The following COPG2 variants were observed in gnomAD, a reference collection of about 807,000 sequenced individuals.
COPG2 encodes the protein coat protein complex I subunit gamma 2.
In COPG2, 37 loss-of-function variants were observed where a neutral mutation model predicts 46.3. The observed-to-expected ratio is 0.80, with a 90% CI of 0.61 to 1.05. The LOEUF is 1.05. COPG2 is among the 50% of genes least tolerant of loss of function. The pLI is 0.00. For synonymous variants in COPG2, 159 were observed against 129.7 expected (o/e 1.23, Z -1.53); for missense variants, 427 against 387.8 (o/e 1.10, Z -0.85).
intron 5 of COPG2, among the ~76,000 whole-genome samples, chr7:130,637,070 T>C (rs1355791941): frequency 2.0e-5 from 3 of 152,164 alleles, no homozygotes; most frequent in Non-Finnish European, 4.4e-5. Flanking sequence ...TTCTGGCTTG[T>C]AGGGTTTCTG....
At chr7:130,653,385 C>T (rs1296897299) in intron 4 of COPG2, among the ~76,000 whole-genome samples, 1 of 152,178 alleles carries the variant, frequency 6.6e-6, no homozygotes, top group Non-Finnish European at 1.5e-5. Context: ...TCCTGGGTAG[C>T]TGGAATTACA....
At chr7:130,512,895 A>G (rs1255377093) in intron 20 of COPG2, among the ~76,000 whole-genome samples, 1 of 152,202 alleles carries the variant, frequency 6.6e-6, no homozygotes, top group East Asian at 1.9e-4. Flanking sequence ...CTAGGGAAAC[A>G]TGAATGAAAA....
At chr7:130,655,255 T>C (rs79470262) in intron 4 of COPG2, among the ~76,000 whole-genome samples, 2 of 150,708 alleles carry the variant, frequency 1.3e-5, no homozygotes, top group Non-Finnish European at 3.0e-5. Context: ...AGTTTGTTTG[T>C]TTTTTTTTCA....
At chr7:130,664,237 C>T (rs377212190) in intron 3 of COPG2, among the ~76,000 whole-genome samples, 7 of 152,194 alleles carry the variant, frequency 4.6e-5, no homozygotes, top group African/African-American at 1.7e-4. Context: ...TTCAGAGCTT[C>T]AGATTCCACA....
chr7:130,659,696 G>A (rs1324190928), intron 4 of COPG2, among the ~76,000 whole-genome samples: 2 of 152,132 alleles, frequency 1.3e-5, no homozygotes, highest in Admixed American at 6.5e-5. Context: ...GGCAGATAAA[G>A]AGGTCAGGAA....
chr7:130,550,990 C>G (rs1793528464), intron 16 of COPG2, among the ~76,000 whole-genome samples: 5 of 151,942 alleles, frequency 3.3e-5, no homozygotes. Flanking sequence ...TCAAGGAGAA[C>G]CAGGAATAAG....
intron 9 of COPG2, among the ~76,000 whole-genome samples, chr7:130,604,443 T>C (rs1370056746): frequency 1.3e-5 from 2 of 152,242 alleles, no homozygotes; most frequent in South Asian, 2.1e-4. Flanking sequence ...TTGATTTCAA[T>C]ATAATTATAA....
chr7:130,626,529 G>A (rs1345990060), intron 5 of COPG2, among the ~76,000 whole-genome samples: 6 of 151,616 alleles, frequency 4.0e-5, no homozygotes, highest in Admixed American at 6.6e-5. Flanking sequence ...GATTACAGGC[G>A]TGAGCCACCA....
rs1799482545 is a variant in COPG2 at position 130,506,406 on chromosome 7, G to A, written c.*270C>T. The A allele has an allele frequency of 6.8e-6, 1 of 147,264 alleles. No individual in the cohort carries two copies. Among genetic ancestry groups the A allele is most frequent in the South Asian group, 2.3e-4 (1 of 4,322 alleles). 9.1% of individuals were successfully genotyped at this position (147,264 alleles called of 1,614,324 possible). ...AAGAATAAAATGAAGTTAAGCAGCT[G>A]GAGTATAGGATAGTATTTGATTTTC... On this transcript the variant is annotated 3_prime_UTR_variant, in exon 24 of 24. Transcript: ENST00000425248.
chr7:130,547,432 C>CT, intron 20 of COPG2: 1 of 365,660 alleles, frequency 2.7e-6, no homozygotes, highest in Non-Finnish European at 4.9e-6. Flanking sequence ...CTCAGTTTCT[C>CT]TTTTAAGATT....
At chr7:130,602,159 C>A (rs935118588) in intron 9 of COPG2, among the ~76,000 whole-genome samples, 1 of 152,146 alleles carries the variant, frequency 6.6e-6, no homozygotes, top group Admixed American at 6.5e-5. Context: ...AATTTTTGGT[C>A]CAATATACCA....
intron 20 of COPG2, among the ~76,000 whole-genome samples, chr7:130,523,119 C>CA (rs1308994776): frequency 1.7e-5 from 1 of 57,522 alleles, no homozygotes; most frequent in Non-Finnish European, 2.9e-5. Context: ...ACTCTTCTCT[C>CA]AAAAAAAAAA....
intron 12 of COPG2, among the ~76,000 whole-genome samples, chr7:130,557,824 A>AAAAAC (rs1303696092): frequency 6.8e-6 from 1 of 146,884 alleles, no homozygotes; most frequent in Non-Finnish European, 1.5e-5. Context: ...TCTCAAAAAA[A>AAAAAC]AAAAAAAAAA....
At chr7:130,528,005 G>A (rs2116354724) in intron 20 of COPG2, among the ~76,000 whole-genome samples, 1 of 152,218 alleles carries the variant, frequency 6.6e-6, no homozygotes, top group African/African-American at 2.4e-5. Context: ...GTCACGGGGA[G>A]GAAAGGCGCA....
intron 5 of COPG2, among the ~76,000 whole-genome samples, chr7:130,620,009 G>A (rs1205194743): frequency 6.6e-6 from 1 of 152,140 alleles, no homozygotes; most frequent in Non-Finnish European, 1.5e-5. Flanking sequence ...CAAGATGCAT[G>A]TTGGTGTCAG....
intron 11 of COPG2, among the ~76,000 whole-genome samples, chr7:130,561,609 A>C (rs943797528): frequency 1.3e-5 from 2 of 152,080 alleles, no homozygotes; most frequent in East Asian, 3.8e-4. Flanking sequence ...GTTAAAAAAT[A>C]CTGCTGCATT....
chr7:130,527,860 G>A (rs960642382), intron 20 of COPG2, among the ~76,000 whole-genome samples: 2 of 152,118 alleles, frequency 1.3e-5, no homozygotes, highest in African/African-American at 2.4e-5. Flanking sequence ...ATGGGACCAC[G>A]GTGGTGCAGC....
At chr7:130,612,696 C>A (rs566037539) in intron 7 of COPG2, among the ~76,000 whole-genome samples, 146 of 152,064 alleles carry the variant, frequency 9.6e-4, no homozygotes, top group African/African-American at 3.1e-3. Flanking sequence ...TAATCAAATG[C>A]AATGTGATAG....
chr7:130,643,220 G>C (rs978073219), intron 5 of COPG2, among the ~76,000 whole-genome samples: 1 of 151,740 alleles, frequency 6.6e-6, no homozygotes, highest in Non-Finnish European at 1.5e-5. Context: ...GCATGAACCC[G>C]GGAGGCGGAG....
Sources: allele counts gnomAD v4.1 joint callset (sites outside exome capture counted in the v4.1 genomes callset), GRCh38; gene constraint gnomAD v4.1.1; transcripts MANE v1.5; gene names NCBI Gene and HGNC (gene_info 2026-07-23, HGNC 2026-07-21).